The following LTBP2 variants were observed in gnomAD, a reference collection of about 807,000 sequenced individuals.
LTBP2 encodes the protein latent transforming growth factor beta binding protein 2.
In LTBP2, 103 loss-of-function variants were observed where a neutral mutation model predicts 210.6. That is an observed-to-expected ratio of 0.49 (90% CI 0.42 to 0.58). LTBP2 has a LOEUF of 0.58. LTBP2 is among the 20% of genes least tolerant of loss of function. The pLI, the probability that LTBP2 is intolerant of heterozygous loss-of-function variation, is 0.00. For missense variants in LTBP2, 2,313 were observed against 2,494.5 expected (o/e 0.93, Z 1.55); for synonymous variants, 1,007 against 1,015.0 (o/e 0.99, Z 0.15).
intron 3 of LTBP2, among the ~76,000 whole-genome samples, chr14:74,560,688 T>C (rs1402588546): frequency 6.6e-6 from 1 of 152,234 alleles, no homozygotes; most frequent in African/African-American, 2.4e-5. Flanking sequence ...ATCCATGGGT[T>C]CTGCCTCTGC....
chr14:74,603,969 G>T (rs1267603021), intron 1 of LTBP2, among the ~76,000 whole-genome samples: 1 of 151,974 alleles, frequency 6.6e-6, no homozygotes, highest in Non-Finnish European at 1.5e-5. Context: ...GGTTAAATGA[G>T]GTGAGAATGT....
intron 2 of LTBP2, among the ~76,000 whole-genome samples, chr14:74,588,592 A>C (rs1315258643): frequency 1.3e-5 from 2 of 152,118 alleles, no homozygotes; most frequent in Non-Finnish European, 2.9e-5. Flanking sequence ...AAGTGTAGTG[A>C]CTGTCTCTTA....
intron 3 of LTBP2, among the ~76,000 whole-genome samples, chr14:74,561,427 A>C (rs538309485): frequency 2.9e-4 from 44 of 152,310 alleles, no homozygotes; most frequent in African/African-American, 1.0e-3. Flanking sequence ...GAAAAAACTG[A>C]GTTGCAGAAT....
At chr14:74,524,018 G>A (rs1419621304) in intron 15 of LTBP2, among the ~76,000 whole-genome samples, 1 of 152,136 alleles carries the variant, frequency 6.6e-6, no homozygotes, top group Non-Finnish European at 1.5e-5. Context: ...CTGCCCAGAG[G>A]GGTGAGGTTA....
chr14:74,504,398 T>G (rs1489369687), intron 30 of LTBP2, among the ~76,000 whole-genome samples: 2 of 152,230 alleles, frequency 1.3e-5, no homozygotes. Context: ...TGTGAGTGTG[T>G]GTTCCCCAGA....
chr14:74,583,280 A>C (rs1351932918), intron 3 of LTBP2, among the ~76,000 whole-genome samples: 1 of 152,114 alleles, frequency 6.6e-6, no homozygotes, highest in Non-Finnish European at 1.5e-5. Context: ...CACCACCTCT[A>C]TCTGGACACA....
At position 74,503,373 on chromosome 14, in the gene LTBP2, G is replaced by C. The variant is rs1401515837; in HGVS notation, c.4734C>G (p.Asp1578Glu). The C allele has an allele frequency of 7.4e-6, 12 of 1,612,768 alleles. No homozygotes were observed. The highest frequency in any genetic ancestry group is 2.7e-5 in the African/African-American group (2 of 74,926). Residue 1578 changes from aspartate to glutamate, a missense_variant, in exon 33 of 36, where the codon GAC (aspartate) becomes GAG (glutamate). By Grantham distance (45) the Asp-to-Glu change is conservative. Coordinates refer to ENST00000261978, the MANE Select transcript of LTBP2 (RefSeq NM_000428.3). ...NSTSSTEDLP[D>E]HDIHMDICWK... ...AGCAGATGTCCATGTGGATGTCGTG[G>C]TCAGGGAGGTCCTCTGGTGGCACAG...
At chr14:74,587,990 C>T (rs115929165) in intron 2 of LTBP2, among the ~76,000 whole-genome samples, 1,832 of 152,318 alleles carry the variant, frequency 0.012, 39 homozygotes, top group African/African-American at 0.042. Flanking sequence ...CCCAGGTAGC[C>T]TCTGCTCTGT....
rs188615815 is a variant in LTBP2, at chr14:74,525,025, G to A, written c.2530+99C>T. ...GGACTTTACCTAGTTGGAAAGGTGAGGGGGCATTCCATTCATGCCCCTGCC... is the reference window on the plus strand; with the variant it reads ...GGACTTTACCTAGTTGGAAAGGTGAAGGGGCATTCCATTCATGCCCCTGCC... On this transcript the variant is annotated intron_variant, in intron 15 of 35. Coordinates refer to ENST00000261978, the MANE Select transcript of LTBP2 (RefSeq NM_000428.3). 24 of 587,212 alleles carry A rather than the reference G, an allele frequency of 4.1e-5. No homozygotes were observed. The East Asian group carries it at 7.4e-4, about 18-fold the overall frequency. The allele number at this position is 587,212 out of a possible 1,614,324, so 36.4% of individuals were successfully genotyped here. A position where few individuals can be genotyped will look rare whatever the true frequency, so the allele number is the denominator to read the frequency against.
intron 1 of LTBP2, among the ~76,000 whole-genome samples, chr14:74,609,431 G>A (rs1051219803): frequency 6.6e-6 from 1 of 150,828 alleles, no homozygotes; most frequent in Admixed American, 6.6e-5. Context: ...CAGCCCCCAC[G>A]CTCCACTTCC....
intron 1 of LTBP2, among the ~76,000 whole-genome samples, chr14:74,607,806 A>G (rs2088547274): frequency 6.6e-6 from 1 of 152,206 alleles, no homozygotes; most frequent in Non-Finnish European, 1.5e-5. Context: ...AATTCAGGGT[A>G]GTGGTTAACT....
intron 4 of LTBP2, among the ~76,000 whole-genome samples, 156 bp from the exon 5 acceptor site, chr14:74,553,218 G>C (rs772991692): frequency 6.6e-6 from 1 of 152,204 alleles, no homozygotes; most frequent in East Asian, 1.9e-4. Context: ...GTAGGGGCAA[G>C]GTGATACCTT....
Position 74,604,164 on chromosome 14 carries a change from C to CAAAAAA in LTBP2, c.495-465_495-460dup, listed in dbSNP as rs59313477. Among the ~76,000 whole-genome samples the CAAAAAA allele has an allele frequency of 2.0e-3, 143 of 72,634 alleles. 2 individuals carry two copies. The highest frequency in any genetic ancestry group is 6.7e-3 in the African/African-American group (90 of 13,396). The allele number at this position is 72,634 out of a possible 152,430, so 47.7% of individuals were successfully genotyped here. Reference sequence around the variant, plus strand: ...GCTCCAACTCTACATTGCCTCTCACCAAAAAAAAAAAAAAAAAAAACCACA... The same window carrying CAAAAAA: ...GCTCCAACTCTACATTGCCTCTCACCAAAAAAAAAAAAAAAAAAAAAAAAAACCACA... On this transcript the variant is annotated intron_variant, in intron 1 of 35. Transcript: ENST00000261978.
intron 8 of LTBP2, 111 bp downstream of exon 8, chr14:74,549,752 C>A (rs1169410958): frequency 2.2e-6 from 2 of 894,554 alleles, no homozygotes; most frequent in East Asian, 2.4e-5. Context: ...AGTTTACCAG[C>A]CTGTTCTACC....
Position 74,591,354 on chromosome 14 carries a change from T to G in LTBP2, c.566-5236A>C, listed in dbSNP as rs527286611. Among the ~76,000 whole-genome samples the G allele has an allele frequency of 3.3e-5, 5 of 152,336 alleles. No homozygotes were observed. The East Asian group carries it at 9.6e-4, about 29-fold the overall frequency. ...TGGGAAATGAGTGGTTAGGGGGAACTGTGGAAATGGCATTTAGTATATAAT... is the reference window on the plus strand; with the variant it reads ...TGGGAAATGAGTGGTTAGGGGGAACGGTGGAAATGGCATTTAGTATATAAT... On this transcript the variant is annotated intron_variant, in intron 2 of 35. Coordinates refer to ENST00000261978, the MANE Select transcript of LTBP2 (RefSeq NM_000428.3).
rs117516722 is a variant in LTBP2 at position 74,565,533 on chromosome 14, G to A, written c.831-9840C>T. 8.5e-4 allele frequency among the ~76,000 whole-genome samples: 130 copies of A among 152,322 alleles called. 1 individual carries two copies. In the East Asian group the frequency reaches 0.022, roughly 26 times the overall value. The stretch of plus-strand genomic sequence containing the variant: ...ACAGATAATTCCCAGCTATGACTTG[G>A]ACTAATAGGTGGAGGGAGTTCCAAG... On this transcript the variant is annotated intron_variant, in intron 3 of 35. Coordinates refer to ENST00000261978, the MANE Select transcript of LTBP2 (RefSeq NM_000428.3).
At chr14:74,572,291 GTGTGTGTGTGTGTGTC>G (rs1452057162) in intron 3 of LTBP2, among the ~76,000 whole-genome samples, 4 of 127,206 alleles carry the variant, frequency 3.1e-5, no homozygotes, top group Non-Finnish European at 7.5e-5. Flanking sequence ...TGGGGTGTGT[GTGTGTGTGTGTGTGTC>G]TGTGTGTGTG....
intron 3 of LTBP2, among the ~76,000 whole-genome samples, chr14:74,572,727 T>G (rs769596101): frequency 1.3e-4 from 20 of 152,046 alleles, no homozygotes; most frequent in Non-Finnish European, 2.5e-4. Context: ...TCTCCACAGC[T>G]TCCACCCACG....
chr14:74,510,032 G>A lies in LTBP2; in HGVS notation c.3151+59C>T, dbSNP rs2087049620. 43 of 1,613,252 alleles carry A rather than the reference G, an allele frequency of 2.7e-5. No individual in the cohort carries two copies. The South Asian group carries it at 4.3e-4, about 16-fold the overall frequency. On this transcript the variant is annotated intron_variant, in intron 20 of 35. Coordinates refer to ENST00000261978, the MANE Select transcript of LTBP2 (RefSeq NM_000428.3). ...AGGGGGCCAAGGGTGGTGTGCAGAG[G>A]GGAGGGAGCCACAAGCTGGATCGGC... is the stretch of plus-strand genomic sequence containing the variant.
Sources: allele counts gnomAD v4.1 joint callset (sites outside exome capture counted in the v4.1 genomes callset), GRCh38; gene constraint gnomAD v4.1.1; transcripts MANE v1.5; gene names NCBI Gene and HGNC (gene_info 2026-07-23, HGNC 2026-07-21).